The following FAF1 variants were observed in gnomAD, a reference collection of about 807,000 sequenced individuals.
FAF1 encodes the protein FAS-associated factor 1.
In FAF1, 25 loss-of-function variants were observed where a neutral mutation model predicts 92.5. The observed-to-expected ratio is 0.27, with a 90% CI of 0.20 to 0.38. The LOEUF (loss-of-function observed/expected upper bound fraction) is 0.38. FAF1 is among the 10% of genes least tolerant of loss of function. FAF1 has a pLI of 1.00. For synonymous variants in FAF1, 234 were observed against 273.2 expected (o/e 0.86, Z 1.42); for missense variants, 636 against 793.3 (o/e 0.80, Z 2.38).
At chr1:50,663,264 C>CT (rs1655470458) in intron 7 of FAF1, among the ~76,000 whole-genome samples, 1 of 151,568 alleles carries the variant, frequency 6.6e-6, no homozygotes, top group South Asian at 2.1e-4. Context: ...CACCTGGAAA[C>CT]TATCAGAAAT....
chr1:50,908,649 T>A lies in FAF1; in HGVS notation c.46-50652A>T, dbSNP rs866967693. On this transcript the variant is annotated intron_variant, in intron 1 of 18. Transcript: ENST00000396153. ...TAATGGCCTTCTTTGTCTCTTTTGA[T>A]CTTTGTTGGTTTAAAGTCTGTTTTA... Among the ~76,000 whole-genome samples the A allele has an allele frequency of 1.4e-4, 21 of 152,286 alleles. No homozygotes were observed. The Middle Eastern group carries it at 0.01, about 74-fold the overall frequency.
intron 4 of FAF1, among the ~76,000 whole-genome samples, chr1:50,782,814 T>A (rs1661227493): frequency 6.6e-6 from 1 of 152,202 alleles, no homozygotes; most frequent in African/African-American, 2.4e-5. Context: ...AAAGTCTGCA[T>A]CAATGTACAG....
intron 4 of FAF1, chr1:50,780,625 A>T: frequency 4.9e-6 from 1 of 205,760 alleles, no homozygotes. Context: ...ATCCTCTTCC[A>T]GCCTGTCTCT....
chr1:50,603,172 A>C (rs1299569839), intron 8 of FAF1, among the ~76,000 whole-genome samples: 2 of 152,218 alleles, frequency 1.3e-5, no homozygotes, highest in African/African-American at 4.8e-5. Context: ...ACCAGTAATT[A>C]CTTTCTTTGG....
intron 6 of FAF1, among the ~76,000 whole-genome samples, chr1:50,729,398 C>T (rs1658826064): frequency 6.7e-6 from 1 of 150,250 alleles, no homozygotes; most frequent in African/African-American, 2.4e-5. Context: ...TGAAATGTAC[C>T]CGTATTTTTT....
chr1:50,751,375 C>G (rs565583611), intron 4 of FAF1, among the ~76,000 whole-genome samples: 1 of 152,116 alleles, frequency 6.6e-6, no homozygotes, highest in South Asian at 2.1e-4. Flanking sequence ...CACTTTGTGG[C>G]CCATGCTGGA....
intron 13 of FAF1, among the ~76,000 whole-genome samples, chr1:50,551,332 T>C (rs1649302330): frequency 1.3e-5 from 2 of 152,154 alleles, no homozygotes; most frequent in African/African-American, 4.8e-5. Context: ...CAGTATATGG[T>C]ACACATATGG....
At chr1:50,677,191 T>A (rs1015157750) in intron 7 of FAF1, among the ~76,000 whole-genome samples, 1 of 152,162 alleles carries the variant, frequency 6.6e-6, no homozygotes, top group African/African-American at 2.4e-5. Context: ...AAACAAGGTA[T>A]CATTCTCACC....
chr1:50,694,554 GAA>G (rs35983172), intron 7 of FAF1, among the ~76,000 whole-genome samples: 2 of 130,792 alleles, frequency 1.5e-5, no homozygotes, highest in African/African-American at 2.8e-5. Flanking sequence ...CTATAGCCAG[GAA>G]AAAAAAAAAA....
chr1:50,514,809 T>A (rs1572799179), intron 15 of FAF1, among the ~76,000 whole-genome samples: 1 of 152,344 alleles, frequency 6.6e-6, no homozygotes, highest in East Asian at 1.9e-4. Context: ...CATCTCAGTG[T>A]CTGCTTTAGA....
In FAF1 at chr1:50,786,499, T is replaced by C. The variant is rs543484791; in HGVS notation, c.367+1501A>G. Reference sequence around the variant, plus strand: ...TCCAATGGGTACAGAGTTTCAGTTATGTAAGATGAAAAAGTGCATAAACAA... The same window carrying C: ...TCCAATGGGTACAGAGTTTCAGTTACGTAAGATGAAAAAGTGCATAAACAA... On this transcript the variant is annotated intron_variant, in intron 4 of 18. Transcript: ENST00000396153. Among the ~76,000 whole-genome samples, 462 of 152,328 alleles carry C rather than the reference T, an allele frequency of 3.0e-3. 1 individual carries two copies. Among genetic ancestry groups the C allele is most frequent in the African/African-American group, 0.011 (449 of 41,580 alleles).
chr1:50,734,245 A>C (rs115746354), intron 6 of FAF1, among the ~76,000 whole-genome samples: 1 of 152,232 alleles, frequency 6.6e-6, no homozygotes, highest in African/African-American at 2.4e-5. Flanking sequence ...TTCTGAAAAT[A>C]ACAGTAATCA....
chr1:50,493,494 A>G (rs1365968782), intron 15 of FAF1, among the ~76,000 whole-genome samples: 2 of 152,210 alleles, frequency 1.3e-5, no homozygotes, highest in Non-Finnish European at 2.9e-5. Flanking sequence ...ATTTGACCTT[A>G]CTTTCCTGAC....
chr1:50,724,282 C>T (rs1194020494), intron 6 of FAF1, among the ~76,000 whole-genome samples: 1 of 117,682 alleles, frequency 8.5e-6, no homozygotes, highest in South Asian at 2.5e-4. Context: ...CATATACACA[C>T]ACACACACAC....
chr1:50,788,226 A>T (rs768597047), intron 3 of FAF1, 21 bp from the exon 4 acceptor site: 3 of 1,593,996 alleles, frequency 1.9e-6, no homozygotes, highest in Middle Eastern at 1.7e-4. Context: ...GACATAAAAG[A>T]AGGATTATTG....
chr1:50,753,456 T>C (rs1322242270), intron 4 of FAF1, among the ~76,000 whole-genome samples: 10 of 152,244 alleles, frequency 6.6e-5, no homozygotes, highest in African/African-American at 9.6e-5. Flanking sequence ...TAAACAATAA[T>C]GTACACGTCT....
chr1:50,784,416 A>G (rs1557526178), intron 4 of FAF1, among the ~76,000 whole-genome samples: 1 of 152,194 alleles, frequency 6.6e-6, no homozygotes, highest in Non-Finnish European at 1.5e-5. Context: ...CAATCTGAAA[A>G]GAAAATTAAG....
intron 1 of FAF1, among the ~76,000 whole-genome samples, chr1:50,895,736 T>G (rs1013816525): frequency 6.6e-6 from 1 of 152,126 alleles, no homozygotes; most frequent in East Asian, 1.9e-4. Context: ...GGTGGTTCAA[T>G]ATACACAAAT....
intron 17 of FAF1, among the ~76,000 whole-genome samples, chr1:50,488,484 C>T (rs959276086): frequency 6.6e-6 from 1 of 152,200 alleles, no homozygotes; most frequent in South Asian, 2.1e-4. Flanking sequence ...CAAACACACA[C>T]AGAGCTAGAG....
Sources: allele counts gnomAD v4.1 joint callset (sites outside exome capture counted in the v4.1 genomes callset), GRCh38; gene constraint gnomAD v4.1.1; transcripts MANE v1.5; gene names NCBI Gene and HGNC (gene_info 2026-07-23, HGNC 2026-07-21).